The following PDE10A variants were observed in gnomAD, a reference collection of about 807,000 sequenced individuals.
The protein encoded by PDE10A is phosphodiesterase 10A.
A neutral mutation model predicts 97.7 loss-of-function variants in PDE10A; 39 were observed. The ratio of observed to expected loss-of-function variants is 0.40; its 90% CI spans 0.31 to 0.52. The LOEUF (loss-of-function observed/expected upper bound fraction) is 0.52, where lower values mean the gene tolerates loss of function less well. Ranked by LOEUF, PDE10A falls within the 20% of genes least tolerant of loss-of-function variation. PDE10A has a pLI of 0.56. For synonymous variants in PDE10A, 371 were observed against 376.8 expected, an observed-to-expected ratio of 0.98 and a Z score of 0.18; for missense variants, 731 against 1,047.8, an observed-to-expected ratio of 0.70 and a Z score of 4.17.
chr6:165,537,821 A>T (rs1583492674), intron 2 of PDE10A, among the ~76,000 whole-genome samples: 2 of 50 alleles, frequency 0.04, no homozygotes, highest in African/African-American at 0.17. Flanking sequence ...AATGTAATTT[A>T]ACATTTGAGA....
intron 1 of PDE10A, among the ~76,000 whole-genome samples, chr6:165,673,215 G>T (rs1267755937): frequency 6.6e-6 from 1 of 152,206 alleles, no homozygotes; most frequent in East Asian, 1.9e-4. Context: ...AAAGGGATGT[G>T]CACTTTAGAA....
intron 2 of PDE10A, among the ~76,000 whole-genome samples, chr6:165,514,604 T>G (rs1207042917): frequency 6.6e-6 from 1 of 152,156 alleles, no homozygotes; most frequent in East Asian, 1.9e-4. Context: ...TTGAATGAAA[T>G]CACAGGCTAG....
At chr6:165,509,405 T>C (rs1426725875) in intron 2 of PDE10A, among the ~76,000 whole-genome samples, 2 of 152,036 alleles carry the variant, frequency 1.3e-5, no homozygotes, top group Non-Finnish European at 2.9e-5. Flanking sequence ...CATGTGAAAT[T>C]ATTTCTGAGT....
At chr6:165,882,983 C>T (rs922787898) in intron 1 of PDE10A, among the ~76,000 whole-genome samples, 1 of 152,226 alleles carries the variant, frequency 6.6e-6, no homozygotes, top group Non-Finnish European at 1.5e-5. Flanking sequence ...TGCCTGTAAT[C>T]CCAGCACTTT....
At chr6:165,530,532 C>T (rs748933271) in intron 2 of PDE10A, among the ~76,000 whole-genome samples, 11 of 152,092 alleles carry the variant, frequency 7.2e-5, no homozygotes, top group South Asian at 2.1e-4. Context: ...GAGTACTATG[C>T]TCACTACCTG....
At chr6:165,680,702 G>A (rs556613004) in intron 1 of PDE10A, among the ~76,000 whole-genome samples, 3 of 152,236 alleles carry the variant, frequency 2.0e-5, no homozygotes, top group African/African-American at 7.2e-5. Flanking sequence ...TCAAGCGTTC[G>A]AGACCAGCCT....
chr6:165,570,107 A>G (rs76124703), intron 1 of PDE10A, among the ~76,000 whole-genome samples: 123 of 152,312 alleles, frequency 8.1e-4, no homozygotes, highest in African/African-American at 1.4e-3. Context: ...CTTTAAGAAG[A>G]TGATTAAGTA....
chr6:165,333,397 C>G (rs1484590393), intron 21 of PDE10A, among the ~76,000 whole-genome samples: 1 of 152,158 alleles, frequency 6.6e-6, no homozygotes, highest in African/African-American at 2.4e-5. Flanking sequence ...AGCATACGTC[C>G]TTTCTTAGAA....
At chr6:165,468,010 A>G (rs1406453420) in intron 3 of PDE10A, among the ~76,000 whole-genome samples, 1 of 152,178 alleles carries the variant, frequency 6.6e-6, no homozygotes, top group Non-Finnish European at 1.5e-5. Flanking sequence ...TCCCCCAGCA[A>G]AAAGATTACA....
At chr6:165,449,473 A>G (rs905707943) in intron 4 of PDE10A, among the ~76,000 whole-genome samples, 2 of 152,160 alleles carry the variant, frequency 1.3e-5, no homozygotes, top group Non-Finnish European at 2.9e-5. Flanking sequence ...AGTTAATAGC[A>G]TAAGTCTTGG....
chr6:165,870,472 G>A (rs1277696363), intron 1 of PDE10A, among the ~76,000 whole-genome samples: 1 of 152,172 alleles, frequency 6.6e-6, no homozygotes, highest in Non-Finnish European at 1.5e-5. Flanking sequence ...TGGTGAGGAT[G>A]CAGAGAAAAG....
chr6:165,557,850 GAATA>G (rs1416316627), intron 1 of PDE10A, among the ~76,000 whole-genome samples: 1 of 152,186 alleles, frequency 6.6e-6, no homozygotes, highest in Non-Finnish European at 1.5e-5. Context: ...AAACAAAGAT[GAATA>G]GTTAGTGGAT....
chr6:165,354,358 T>C (rs867226244), intron 18 of PDE10A, among the ~76,000 whole-genome samples: 10 of 152,182 alleles, frequency 6.6e-5, no homozygotes, highest in East Asian at 1.9e-4. Flanking sequence ...CAAATGTCCA[T>C]TGGATAACCA....
intron 1 of PDE10A, among the ~76,000 whole-genome samples, chr6:165,915,168 C>T (rs975069663): frequency 1.3e-5 from 2 of 152,072 alleles, no homozygotes; most frequent in Non-Finnish European, 2.9e-5. Context: ...AATGCGTCGT[C>T]AAACTGCTTG....
intron 1 of PDE10A, among the ~76,000 whole-genome samples, chr6:165,562,979 T>C (rs934802370): frequency 6.6e-6 from 1 of 152,098 alleles, no homozygotes; most frequent in Non-Finnish European, 1.5e-5. Flanking sequence ...CTAAGAATTA[T>C]CCACAGAAAG....
At chr6:165,904,591 A>G (rs1386932914) in intron 1 of PDE10A, among the ~76,000 whole-genome samples, 1 of 152,190 alleles carries the variant, frequency 6.6e-6, no homozygotes, top group East Asian at 1.9e-4. Flanking sequence ...CCTTCTAAGG[A>G]GAGTTTTCTA....
intron 3 of PDE10A, among the ~76,000 whole-genome samples, chr6:165,453,770 G>T (rs990427586): frequency 6.6e-6 from 1 of 152,184 alleles, no homozygotes; most frequent in African/African-American, 2.4e-5. Flanking sequence ...TGGGGCCCAC[G>T]GACAAACTTG....
At chr6:165,699,301 A>C (rs1274328032) in intron 1 of PDE10A, among the ~76,000 whole-genome samples, 2 of 152,226 alleles carry the variant, frequency 1.3e-5, no homozygotes, top group Non-Finnish European at 2.9e-5. Context: ...TTTGACATTT[A>C]TAAAGATATG....
chr6:165,724,350 C>T (rs1490601713), intron 1 of PDE10A, among the ~76,000 whole-genome samples: 2 of 151,988 alleles, frequency 1.3e-5, no homozygotes, highest in African/African-American at 4.8e-5. Flanking sequence ...AAGAGGATCA[C>T]AGATGTGAAC....
Sources: gnomAD v4.1 joint callset for allele counts (sites outside exome capture counted in the v4.1 genomes callset) on GRCh38, gnomAD v4.1.1 for gene constraint, MANE v1.5 for transcripts, NCBI Gene and HGNC (gene_info 2026-07-23, HGNC 2026-07-21) for gene names.